SLX9: variants seen among roughly 807,000 people sequenced by gnomAD.
SLX9 encodes SLX9 ribosome biogenesis factor.
A neutral mutation model predicts 20.8 loss-of-function variants in SLX9; 19 were observed. That is an observed-to-expected ratio of 0.91 (90% confidence interval 0.64 to 1.34). The LOEUF is 1.34. Ranked by LOEUF, SLX9 falls within the 40% of genes most tolerant of loss-of-function variation. The probability of loss-of-function intolerance (pLI) is 0.00; values close to 1 mark genes in which losing one functional copy is unlikely to be tolerated. For synonymous variants in SLX9, 113 were observed against 137.1 expected (o/e 0.82, Z 1.23); for missense variants, 299 against 322.2 (o/e 0.93, Z 0.55).
intron 3 of SLX9, 132 bp downstream of exon 3, chr21:44,960,300 C>A: frequency 6.0e-6 from 5 of 829,258 alleles, no homozygotes; most frequent in Non-Finnish European, 9.9e-6. Flanking sequence ...GGGGATCACC[C>A]AAGACACTTC....
upstream of SLX9, chr21:44,939,895 G>A (rs1018242696): frequency 1.6e-5 from 11 of 676,184 alleles, no homozygotes; most frequent in South Asian, 1.1e-4. Flanking sequence ...GCGGAGCGCC[G>A]CCACCCTACA....
chr21:44,960,315 G>A (rs2084931061), intron 3 of SLX9, 147 bp downstream of exon 3: 1 of 764,362 alleles, frequency 1.3e-6, no homozygotes, highest in Non-Finnish European at 2.2e-6. Context: ...CACTTCAGAG[G>A]CTGCTGTGGG....
intron 1 of SLX9, among the ~76,000 whole-genome samples, chr21:44,941,571 A>G (rs1178684314): frequency 6.6e-6 from 1 of 151,264 alleles, no homozygotes; most frequent in African/African-American, 2.4e-5. Flanking sequence ...TTTGCCTTTT[A>G]CCACTGGATA....
At chr21:44,971,957 C>T (rs2085158548) in intron 4 of SLX9, among the ~76,000 whole-genome samples, 1 of 152,186 alleles carries the variant, frequency 6.6e-6, no homozygotes, top group African/African-American at 2.4e-5. Flanking sequence ...TGTCATCTGC[C>T]AGTGTGAGCA....
At chr21:44,974,861 A>C (rs1248316389) in intron 5 of SLX9, among the ~76,000 whole-genome samples, 1 of 152,144 alleles carries the variant, frequency 6.6e-6, no homozygotes, top group African/African-American at 2.4e-5. Context: ...GCCTCTCCCC[A>C]GTGCACAGCC....
chr21:44,943,131 C>CG (rs943930465), intron 1 of SLX9, among the ~76,000 whole-genome samples: 71 of 151,990 alleles, frequency 4.7e-4, no homozygotes, highest in Middle Eastern at 6.8e-3. Context: ...GGGTCAGGGA[C>CG]GGGGGGGTTC....
In SLX9 at chr21:44,940,292, G is replaced by T. The variant is rs60257795; in HGVS notation, c.129+106G>T. On this transcript the variant is annotated intron_variant, in intron 1 of 5. Coordinates refer to ENST00000291634, the MANE Select transcript of SLX9 (RefSeq NM_058190.4). The stretch of plus-strand genomic sequence containing the variant: ...TTCCGCGACCCCGGCCTTCCCTCGG[G>T]CTCTGCGGGCATTTGCTGCGCTACA... The T allele has an allele frequency of 1.2e-3, 1,367 of 1,181,934 alleles. 6 individuals carry two copies. Among genetic ancestry groups the T allele is most frequent in the Middle Eastern group, 0.011 (31 of 2,946 alleles). 73.2% of individuals were successfully genotyped at this position (1,181,934 alleles called of 1,614,324 possible).
At chr21:44,939,746 G>C (rs183394595), upstream of SLX9, 6 of 539,004 alleles carry the variant, frequency 1.1e-5, no homozygotes, top group Non-Finnish European at 2.1e-5. Flanking sequence ...CTGCCGCGGG[G>C]GTCGCGTCCT....
intron 4 of SLX9, among the ~76,000 whole-genome samples, chr21:44,972,027 C>G (rs1014103480): frequency 6.6e-6 from 1 of 152,142 alleles, no homozygotes; most frequent in Non-Finnish European, 1.5e-5. Flanking sequence ...TAAAAGAAAG[C>G]GGGTGCTGAG....
At chr21:44,947,820 C>CT (rs2084671506) in intron 2 of SLX9, among the ~76,000 whole-genome samples, 2 of 152,226 alleles carry the variant, frequency 1.3e-5, no homozygotes, top group Admixed American at 6.5e-5. Context: ...CCCCAGCTCT[C>CT]TAAGACCCCC....
chr21:44,941,759 A>T (rs1262502079), intron 1 of SLX9, among the ~76,000 whole-genome samples: 1 of 152,090 alleles, frequency 6.6e-6, no homozygotes, highest in East Asian at 1.9e-4. Flanking sequence ...ACCTCCTGGG[A>T]GTTGTTCCTG....
At chr21:44,955,075 G>C (rs756548911) in intron 2 of SLX9, among the ~76,000 whole-genome samples, 1 of 152,062 alleles carries the variant, frequency 6.6e-6, no homozygotes, top group Non-Finnish European at 1.5e-5. Context: ...AATTAGCTGG[G>C]TGTGGTGGTG....
chr21:44,944,362 CA>C (rs2084604748), intron 2 of SLX9, among the ~76,000 whole-genome samples: 5 of 152,204 alleles, frequency 3.3e-5, no homozygotes. Context: ...GCACACACGT[CA>C]GCCTGGCCAG....
chr21:44,953,145 T>C (rs1361733552), intron 2 of SLX9, among the ~76,000 whole-genome samples: 2 of 152,228 alleles, frequency 1.3e-5, no homozygotes, highest in Non-Finnish European at 1.5e-5. Flanking sequence ...CAGCAGGCTC[T>C]CCTCATTCAC....
chr21:44,963,611 CT>C (rs2084984914), intron 3 of SLX9, among the ~76,000 whole-genome samples: 1 of 151,516 alleles, frequency 6.6e-6, no homozygotes, highest in Admixed American at 6.6e-5. Context: ...GGTTAAGTTC[CT>C]TTTTTCCCCC....
At position 44,976,096 on chromosome 21, in the gene SLX9, C is replaced by G. The variant is rs531481050; in HGVS notation, c.570-584C>G. On this transcript the variant is annotated intron_variant, in intron 5 of 5. Coordinates refer to ENST00000291634, the MANE Select transcript of SLX9 (RefSeq NM_058190.4). ...GTGCCTGAGAGGGGACCCAGGCCAC[C>G]TTTTGTGTTCCACAGGGCAGCTCTC... Among the ~76,000 whole-genome samples, 10 of 152,360 alleles carry G rather than the reference C, an allele frequency of 6.6e-5. No individual in the cohort carries two copies. In the East Asian group the frequency reaches 1.9e-3, roughly 29 times the overall value.
chr21:44,945,068 G>A (rs1047536339), intron 2 of SLX9, among the ~76,000 whole-genome samples: 1 of 152,210 alleles, frequency 6.6e-6, no homozygotes, highest in Non-Finnish European at 1.5e-5. Flanking sequence ...AGGTGGGCCA[G>A]CCCTAATTCC....
At chr21:44,950,167 T>G (rs2084729090) in intron 2 of SLX9, among the ~76,000 whole-genome samples, 1 of 151,646 alleles carries the variant, frequency 6.6e-6, no homozygotes, top group South Asian at 2.1e-4. Context: ...TGCCTGTGTC[T>G]CTGGGCTTGA....
upstream of SLX9, chr21:44,939,969 A>G (rs988721406): frequency 3.1e-6 from 4 of 1,299,082 alleles, no homozygotes; most frequent in African/African-American, 1.6e-5. Flanking sequence ...GGCTCCCGGC[A>G]GCCGCGGCTC....
Sources: gnomAD v4.1 joint callset for allele counts (sites outside exome capture counted in the v4.1 genomes callset) on GRCh38, gnomAD v4.1.1 for gene constraint, MANE v1.5 for transcripts, NCBI Gene and HGNC (gene_info 2026-07-23, HGNC 2026-07-21) for gene names.